The following STXBP5 variants were observed in gnomAD, a reference collection of about 807,000 sequenced individuals.
The protein encoded by STXBP5 is syntaxin binding protein 5, also known as syntaxin-binding protein 5.
A neutral mutation model predicts 152.4 loss-of-function variants in STXBP5; 50 were observed. That is an observed-to-expected ratio of 0.33 (90% CI 0.26 to 0.42). The LOEUF (loss-of-function observed/expected upper bound fraction) is 0.42. Among genes scored for constraint, STXBP5 ranks in the 10% least tolerant of loss-of-function variants. STXBP5 has a pLI of 1.00. For synonymous variants in STXBP5, 492 were observed against 494.7 expected (o/e 0.99, Z 0.07); for missense variants, 1,167 against 1,388.6 (o/e 0.84, Z 2.54).
At position 147,384,932 on chromosome 6, in the gene STXBP5, C is replaced by T. The variant is rs111780106; in HGVS notation, c.*177C>T. 12 of 647,998 alleles carry T rather than the reference C, an allele frequency of 1.9e-5. No individual in the cohort carries two copies. The highest frequency in any genetic ancestry group is 7.7e-5 in the South Asian group (4 of 51,764). 40.1% of individuals were successfully genotyped at this position (647,998 alleles called of 1,614,324 possible). On this transcript the variant is annotated 3_prime_UTR_variant, in exon 28 of 28. Transcript: ENST00000321680. ...TGGCTTTAACTGAGGAGTGTTCACA[C>T]GCACTCGAAATGGAGTATATGGTGT...
In STXBP5 at chr6:147,337,214, C is replaced by CACACAA. The variant is rs150169446; in HGVS notation, c.2147-1964_2147-1963insCACAAA. ...ATAGACACACACACACACACACACA[C>CACACAA]AAGAAGTCATGTTAAAATAAATTTT... On this transcript the variant is annotated intron_variant, in intron 19 of 27. Coordinates refer to ENST00000321680, the MANE Select transcript of STXBP5 (RefSeq NM_001127715.4). Among the ~76,000 whole-genome samples the CACACAA allele has an allele frequency of 1.0e-4, 15 of 147,384 alleles. No individual in the cohort carries two copies. The South Asian group carries it at 1.3e-3, about 13-fold the overall frequency.
chr6:147,372,229 G>A (rs896808796), intron 25 of STXBP5, among the ~76,000 whole-genome samples: 10 of 151,776 alleles, frequency 6.6e-5, no homozygotes, highest in Non-Finnish European at 1.2e-4. Flanking sequence ...AATCTGGGTG[G>A]AGGGATAATG....
At position 147,262,324 on chromosome 6, in the gene STXBP5, A is replaced by G. The variant is rs144696451; in HGVS notation, c.601A>G (p.Ile201Val). The change falls in exon 6 of 28, where the codon ATA (isoleucine) becomes GTA (valine). Residue 201 changes from isoleucine (I) to valine (V), a missense_variant. Transcript: ENST00000321680. ...ATCTCACCCAGGACCTGTGGTCCAT[A>G]TAAGTGATAATCCAATGGACGAGGG... Reference protein sequence around the residue: ...SKSHPGPVVHISDNPMDEGKL... With the variant: ...SKSHPGPVVHVSDNPMDEGKL... 7.7e-6 allele frequency: 12 copies of G among 1,560,610 alleles called. No individual in the cohort carries two copies. Among genetic ancestry groups the G allele is most frequent in the Non-Finnish European group, 1.0e-5 (12 of 1,159,192 alleles).
intron 2 of STXBP5, among the ~76,000 whole-genome samples, chr6:147,207,201 A>G (rs1776611589): frequency 6.6e-6 from 1 of 152,186 alleles, no homozygotes; most frequent in African/African-American, 2.4e-5. Context: ...AAGAAGTACT[A>G]TGTGATACAT....
At position 147,282,191 on chromosome 6, in the gene STXBP5, A is replaced by G. The variant is rs949318428; in HGVS notation, c.838+3987A>G. On this transcript the variant is annotated intron_variant, in intron 8 of 27. Coordinates refer to ENST00000321680, the MANE Select transcript of STXBP5 (RefSeq NM_001127715.4). ...GTGAACCCCCAAAATATATTCCACA[A>G]AGACTAGTTTTTCTTATATTTATGA... Among the ~76,000 whole-genome samples the G allele has an allele frequency of 3.3e-5, 5 of 152,320 alleles. No individual in the cohort carries two copies. The East Asian group carries it at 9.6e-4, about 29-fold the overall frequency.
chr6:147,294,244 C>T (rs1025274288), intron 9 of STXBP5, among the ~76,000 whole-genome samples: 2 of 151,998 alleles, frequency 1.3e-5, no homozygotes, highest in African/African-American at 4.8e-5. Flanking sequence ...GTTGTGTGAA[C>T]TCCGGAGTCA....
At chr6:147,274,072 G>GT (rs149179829) in intron 7 of STXBP5, among the ~76,000 whole-genome samples, 361 of 152,142 alleles carry the variant, frequency 2.4e-3, no homozygotes, top group African/African-American at 8.1e-3. Flanking sequence ...TCCCTTAAGG[G>GT]TTTTTTCTCC....
intron 7 of STXBP5, among the ~76,000 whole-genome samples, chr6:147,269,603 A>G (rs1181354257): frequency 6.6e-6 from 1 of 152,230 alleles, no homozygotes; most frequent in Non-Finnish European, 1.5e-5. Context: ...GTATTATTAA[A>G]TAGACTCCAT....
intron 8 of STXBP5, among the ~76,000 whole-genome samples, chr6:147,287,018 T>A (rs1216073728): frequency 6.6e-6 from 1 of 150,576 alleles, no homozygotes; most frequent in Non-Finnish European, 1.5e-5. Context: ...TAAAATTTTT[T>A]AAAATTTTTG....
chr6:147,371,478 C>T (rs932774976), intron 25 of STXBP5, among the ~76,000 whole-genome samples: 2 of 152,046 alleles, frequency 1.3e-5, no homozygotes, highest in African/African-American at 4.8e-5. Flanking sequence ...GATGTCTACT[C>T]CTGGCACTTT....
intron 21 of STXBP5, among the ~76,000 whole-genome samples, chr6:147,341,681 G>A (rs1356400866): frequency 6.6e-6 from 1 of 152,072 alleles, no homozygotes; most frequent in Non-Finnish European, 1.5e-5. Flanking sequence ...GTGGGTGTGT[G>A]TGGGTGTGTT....
At chr6:147,273,543 C>A (rs1420600371) in intron 7 of STXBP5, among the ~76,000 whole-genome samples, 1 of 151,922 alleles carries the variant, frequency 6.6e-6, no homozygotes, top group Non-Finnish European at 1.5e-5. Flanking sequence ...TTGGTTTTTC[C>A]TGGTAGATTG....
intron 2 of STXBP5, among the ~76,000 whole-genome samples, chr6:147,206,670 G>C (rs1382440526): frequency 6.6e-6 from 1 of 152,078 alleles, no homozygotes; most frequent in Non-Finnish European, 1.5e-5. Context: ...TTCTCTCATA[G>C]TCTACATTTG....
In STXBP5 at chr6:147,386,550, T is replaced by C. The variant is rs185720853; in HGVS notation, c.*1795T>C. 7.4e-4 allele frequency: 112 copies of C among 151,946 alleles called. 2 individuals carry two copies. Among genetic ancestry groups the C allele is most frequent in the African/African-American group, 2.6e-3 (110 of 41,536 alleles). 9.4% of individuals were successfully genotyped at this position (151,946 alleles called of 1,614,324 possible). A position where few individuals can be genotyped will look rare whatever the true frequency, so the allele number is the denominator to read the frequency against. On this transcript the variant is annotated 3_prime_UTR_variant, in exon 28 of 28. Transcript: ENST00000321680. ...TAATTGATCAAGCCAAAAGAAATAT[T>C]TTTTAAATAAGCCCTTTTCAAAAGT...
intron 21 of STXBP5, among the ~76,000 whole-genome samples, chr6:147,344,914 G>A (rs1034379503): frequency 1.2e-4 from 18 of 152,278 alleles, no homozygotes; most frequent in African/African-American, 4.3e-4. Context: ...TGCTTGGAAA[G>A]CAGATGGGTC....
intron 21 of STXBP5, among the ~76,000 whole-genome samples, chr6:147,351,482 A>AT (rs1784587750): frequency 6.6e-6 from 1 of 152,074 alleles, no homozygotes; most frequent in Non-Finnish European, 1.5e-5. Context: ...AAATCTCTGG[A>AT]TTTTTCAATG....
intron 8 of STXBP5, among the ~76,000 whole-genome samples, chr6:147,286,831 C>G (rs996458113): frequency 2.0e-5 from 3 of 151,754 alleles, no homozygotes; most frequent in African/African-American, 7.3e-5. Flanking sequence ...TGTTAGCAGC[C>G]CAATCTCCTT....
At chr6:147,216,324 G>A (rs371711359) in intron 2 of STXBP5, among the ~76,000 whole-genome samples, 4 of 152,178 alleles carry the variant, frequency 2.6e-5, no homozygotes, top group Admixed American at 2.6e-4. Flanking sequence ...CTTGGGAGGC[G>A]GAGGTTGCCG....
At chr6:147,229,940 A>G (rs1312867634) in intron 2 of STXBP5, among the ~76,000 whole-genome samples, 1 of 151,766 alleles carries the variant, frequency 6.6e-6, no homozygotes, top group Non-Finnish European at 1.5e-5. Flanking sequence ...TCCCCATCTT[A>G]GTGGGAAAGC....
Sources: allele counts gnomAD v4.1 joint callset (sites outside exome capture counted in the v4.1 genomes callset), GRCh38; gene constraint gnomAD v4.1.1; transcripts MANE v1.5; gene names NCBI Gene and HGNC (gene_info 2026-07-23, HGNC 2026-07-21).